Variants in RTF1 observed in about 807,000 individuals in gnomAD.
RTF1 encodes RTF1 homolog, Paf1/RNA polymerase II complex component, also known as RNA polymerase-associated protein RTF1 homolog.
Under a neutral mutation model 95.7 loss-of-function variants are expected in RTF1, and 10 were observed. That is an observed-to-expected ratio of 0.10 (90% CI 0.06 to 0.18). The LOEUF (loss-of-function observed/expected upper bound fraction) is 0.18. RTF1 is among the 10% of genes least tolerant of loss of function. The pLI, the probability that RTF1 is intolerant of heterozygous loss-of-function variation, is 1.00. For synonymous variants in RTF1, 305 were observed against 311.8 expected (o/e 0.98, Z 0.23); for missense variants, 458 against 875.6 (o/e 0.52, Z 6.02).
intron 1 of RTF1, among the ~76,000 whole-genome samples, chr15:41,433,483 C>T (rs942835470): frequency 6.6e-6 from 1 of 151,920 alleles, no homozygotes; most frequent in Non-Finnish European, 1.5e-5. Context: ...TACAGGCGTG[C>T]GCCACCATGC....
chr15:41,466,034 G>T (rs2050878674), intron 5 of RTF1, 107 bp from the exon 6 acceptor site: 1 of 651,190 alleles, frequency 1.5e-6, no homozygotes. Context: ...CTAAGTTTTT[G>T]CAGCCCATAT....
Position 41,417,223 on chromosome 15 carries a change from C to T in RTF1, c.108C>T (p.Ser36=). 1 of 1,259,862 alleles carries T rather than the reference C, an allele frequency of 7.9e-7. No individual in the cohort carries two copies. Among genetic ancestry groups the T allele is most frequent in the Non-Finnish European group, 1.0e-6 (1 of 996,574 alleles). 78.0% of individuals were successfully genotyped at this position (1,259,862 alleles called of 1,614,324 possible). The part of the protein sequence containing the change: ...EGSPGGGRRG[S]RGTTMVKKRK... The stretch of plus-strand genomic sequence containing the variant: ...GTCCGGGCGGCGGCCGGCGTGGGAG[C>T]CGGGGGACCACCATGGTAAAGAAGC... The change falls in exon 1 of 18, where the codon AGC becomes AGT. Residue 36 remains serine (S), a synonymous_variant. Transcript: ENST00000389629.
At chr15:41,437,466 A>C (rs2050710516) in intron 1 of RTF1, among the ~76,000 whole-genome samples, 1 of 152,160 alleles carries the variant, frequency 6.6e-6, no homozygotes, top group South Asian at 2.1e-4. Flanking sequence ...ACTGTACTCC[A>C]GCCTGGGTGA....
chr15:41,441,462 C>G (rs931267116), intron 2 of RTF1, among the ~76,000 whole-genome samples: 10 of 152,074 alleles, frequency 6.6e-5, no homozygotes, highest in African/African-American at 9.7e-5. Context: ...CATTCATTCT[C>G]CATATGTCTG....
Position 41,480,986 on chromosome 15 carries a change from T to C in RTF1, c.*299T>C, listed in dbSNP as rs2050969928. The stretch of plus-strand genomic sequence containing the variant: ...TTGTTTTTTTAACCGCGCAGTTCAT[T>C]GGCCACTCTGCACGCATTCAGTATT... On this transcript the variant is annotated 3_prime_UTR_variant, in exon 18 of 18. Coordinates refer to ENST00000389629, the MANE Select transcript of RTF1 (RefSeq NM_015138.5). The C allele has an allele frequency of 2.8e-6, 1 of 351,796 alleles. No individual in the cohort carries two copies. The allele number at this position is 351,796 out of a possible 1,614,324, so 21.8% of individuals were successfully genotyped here.
chr15:41,449,482 G>A (rs1172305933), intron 2 of RTF1, among the ~76,000 whole-genome samples: 18 of 151,774 alleles, frequency 1.2e-4, no homozygotes, highest in South Asian at 4.2e-4. Flanking sequence ...CTGCCCAGCC[G>A]GCAGCAGGTG....
intron 3 of RTF1, among the ~76,000 whole-genome samples, chr15:41,454,453 A>G (rs1305121083): frequency 6.6e-6 from 1 of 152,148 alleles, no homozygotes; most frequent in Non-Finnish European, 1.5e-5. Context: ...GGTTAGAAGA[A>G]TCACCACTTT....
Position 41,454,170 on chromosome 15 carries a change from C to T in RTF1, c.457+1122C>T, listed in dbSNP as rs1032639719. 2.6e-5 allele frequency among the ~76,000 whole-genome samples: 4 copies of T among 152,170 alleles called. No individual in the cohort carries two copies. The South Asian group carries it at 8.3e-4, about 32-fold the overall frequency. ...GGAGTGCAATGGCGCGTTCTTGGCT[C>T]ACTGCAACCTCTGTGTCCCGGGGTT... On this transcript the variant is annotated intron_variant, in intron 3 of 17. Coordinates refer to ENST00000389629, the MANE Select transcript of RTF1 (RefSeq NM_015138.5).
In RTF1 at chr15:41,472,903, G is replaced by T. The variant is rs185488252; in HGVS notation, c.1203+1554G>T. Among the ~76,000 whole-genome samples the T allele has an allele frequency of 4.1e-3, 621 of 151,348 alleles. 6 individuals are homozygous for T. Among genetic ancestry groups the T allele is most frequent in the African/African-American group, 0.014 (596 of 41,286 alleles). ...TTTTTAGTGGAGATGGGGTTTCACCGTGTTAGCCAGGATGGTCTTGATCTC... is the reference window on the plus strand; with the variant it reads ...TTTTTAGTGGAGATGGGGTTTCACCTTGTTAGCCAGGATGGTCTTGATCTC... On this transcript the variant is annotated intron_variant, in intron 8 of 17. Transcript: ENST00000389629.
intron 3 of RTF1, among the ~76,000 whole-genome samples, chr15:41,455,254 C>T (rs2140959569): frequency 6.7e-6 from 1 of 149,792 alleles, no homozygotes; most frequent in African/African-American, 2.5e-5. Flanking sequence ...TTGGAGGTTG[C>T]AGTGAGCCGA....
intron 2 of RTF1, among the ~76,000 whole-genome samples, chr15:41,440,614 C>G (rs1371038913): frequency 1.3e-5 from 2 of 151,640 alleles, no homozygotes; most frequent in African/African-American, 4.8e-5. Flanking sequence ...CTCAACCTCC[C>G]AAGTAGCTGG....
At chr15:41,457,340 C>T (rs933202848) in intron 3 of RTF1, among the ~76,000 whole-genome samples, 1 of 152,128 alleles carries the variant, frequency 6.6e-6, no homozygotes, top group African/African-American at 2.4e-5. Flanking sequence ...TCGAGACCAG[C>T]CTGAACAATA....
At chr15:41,426,781 ATG>A (rs58073154) in intron 1 of RTF1, among the ~76,000 whole-genome samples, 4,682 of 78,340 alleles carry the variant, frequency 0.06, 120 homozygotes, top group Middle Eastern at 0.093. Context: ...CTACATATAT[ATG>A]TGTGTGTGTG....
At chr15:41,421,658 A>T (rs1595421518) in intron 1 of RTF1, among the ~76,000 whole-genome samples, 2 of 148,464 alleles carry the variant, frequency 1.3e-5, no homozygotes, top group East Asian at 2.0e-4. Context: ...AGGCACTTGT[A>T]TAACTAAAAG....
chr15:41,470,472 C>A, intron 7 of RTF1, 80 bp downstream of exon 7: 1 of 1,481,244 alleles, frequency 6.8e-7, no homozygotes, highest in Non-Finnish European at 9.3e-7. Flanking sequence ...TCCAAAATCT[C>A]CCTGGTTGGG....
At chr15:41,450,112 C>T (rs927573350) in intron 2 of RTF1, among the ~76,000 whole-genome samples, 12 of 152,146 alleles carry the variant, frequency 7.9e-5, no homozygotes, top group African/African-American at 2.7e-4. Context: ...GAGAGAATCT[C>T]TTGAGCCCAG....
At position 41,477,399 on chromosome 15, in the gene RTF1, TC is replaced by T. The variant is rs1369473043; in HGVS notation, c.1683-58del. 3.7e-6 allele frequency: 6 copies of T among 1,612,166 alleles called. No homozygotes were observed. In the Admixed American group the frequency reaches 1.0e-4, roughly 27 times the overall value. The stretch of plus-strand genomic sequence containing the variant: ...CCCCATAGATATCTGAGTTCAGGGC[TC>T]AGTGGTTCCCTCCCTCCCTTGTTTC... On this transcript the variant is annotated intron_variant, in intron 13 of 17. Transcript: ENST00000389629.
intron 11 of RTF1, 112 bp downstream of exon 11, chr15:41,475,931 G>C: frequency 3.3e-6 from 2 of 614,886 alleles, no homozygotes; most frequent in South Asian, 4.1e-5. Context: ...GCATGAAAAT[G>C]AGGGAATACT....
chr15:41,444,577 G>A (rs2050751590), intron 2 of RTF1, among the ~76,000 whole-genome samples: 1 of 152,102 alleles, frequency 6.6e-6, no homozygotes, highest in Admixed American at 6.6e-5. Flanking sequence ...TTACAGGCGT[G>A]ACCATCGCGG....
Sources: gnomAD v4.1 joint callset for allele counts (sites outside exome capture counted in the v4.1 genomes callset) on GRCh38, gnomAD v4.1.1 for gene constraint, MANE v1.5 for transcripts, NCBI Gene and HGNC (gene_info 2026-07-23, HGNC 2026-07-21) for gene names.